ASPHD2: variants seen among roughly 807,000 people sequenced by gnomAD.
The protein encoded by ASPHD2 is aspartate beta-hydroxylase domain-containing protein 2.
ASPHD2 carries 12 observed loss-of-function variants against 34.6 expected under a neutral mutation model. The ratio of observed to expected loss-of-function variants is 0.35; its 90% confidence interval spans 0.22 to 0.56. The LOEUF is 0.56. Among genes scored for constraint, ASPHD2 ranks in the 20% least tolerant of loss-of-function variants. The pLI is 0.87. For synonymous variants in ASPHD2, 224 were observed against 212.2 expected, an observed-to-expected ratio of 1.06 and a Z score of -0.48; for missense variants, 375 against 505.0, an observed-to-expected ratio of 0.74 and a Z score of 2.47.
Position 26,434,083 on chromosome 22 carries a change from C to T in ASPHD2, c.468C>T (p.Leu156=), listed in dbSNP as rs1268648598. ...GCATCCGCGAGCAGGGCCGGTACCT[C>T]AACAGCCGGCCCTCCATCCAGAAGC... ...HKGIREQGRY[L]NSRPSIQKPE... The change falls in exon 2 of 4, where the codon CTC becomes CTT. Residue 156 remains leucine (L), a synonymous_variant. Transcript: ENST00000215906. The T allele has an allele frequency of 4.3e-6, 7 of 1,613,166 alleles. No individual in the cohort carries two copies. Among genetic ancestry groups the T allele is most frequent in the African/African-American group, 1.3e-5 (1 of 75,020 alleles).
rs1196955543 is a variant in ASPHD2 at position 26,433,809 on chromosome 22, C to T, written c.194C>T (p.Ala65Val). ...DCDTTAVITV[A>V]CLLVLFVWYC... ...GACACCACCGCTGTCATCACTGTGG[C>T]CTGCCTCCTGGTCCTCTTCGTGTGG... Residue 65 changes from alanine (A) to valine (V), a missense_variant, in exon 2 of 4, where the codon GCC becomes GTC. By Grantham distance (64) the Ala-to-Val change is moderately conservative. Transcript: ENST00000215906. This position sits in a 1 kb window ranked among gnomAD's most constrained non-coding sequence, Gnocchi z 5.1. The T allele has an allele frequency of 1.9e-6, 3 of 1,613,990 alleles. No individual in the cohort carries two copies.
At chr22:26,437,304 C>G (rs2084798525) in intron 2 of ASPHD2, among the ~76,000 whole-genome samples, 1 of 152,166 alleles carries the variant, frequency 6.6e-6, no homozygotes, top group Non-Finnish European at 1.5e-5. Flanking sequence ...CTTCTGCCTT[C>G]TGCCTGAGCT....
chr22:26,443,204 T>TGA lies in ASPHD2; in HGVS notation c.*2_*3dup. 6.2e-7 allele frequency: 1 copy of TGA among 1,613,310 alleles called. No homozygotes were observed. Among genetic ancestry groups the TGA allele is most frequent in the African/African-American group, 1.3e-5 (1 of 75,014 alleles). ...TGATTTCATCTTTGCTCCGGGACGATGAGAGTATTTCCCATGCTGGAGTCG... is the reference window on the plus strand; with the variant it reads ...TGATTTCATCTTTGCTCCGGGACGATGAGAGAGTATTTCCCATGCTGGAGTCG... ...ALDFIFAPGR[*] The change falls in exon 4 of 4, where the codon TGA becomes TGAGA. Residue 370 remains the stop codon, a frameshift_variant and stop_retained_variant. Transcript: ENST00000215906. LOFTEE classifies it high-confidence loss of function.
At chr22:26,430,094 T>G (rs1568980827) in intron 1 of ASPHD2, among the ~76,000 whole-genome samples, 1 of 152,034 alleles carries the variant, frequency 6.6e-6, no homozygotes, top group African/African-American at 2.4e-5. Flanking sequence ...AGAGGGAAGG[T>G]CCCCAGGTCT....
rs1568987662 is a variant in ASPHD2, at chr22:26,444,806, T to C, written c.*1600T>C. ...CACAGATATTTGTCAGTGATGAGAATGCAGGAAAAGGCAGACATTTCAAAC... is the reference window on the plus strand; with the variant it reads ...CACAGATATTTGTCAGTGATGAGAACGCAGGAAAAGGCAGACATTTCAAAC... On this transcript the variant is annotated 3_prime_UTR_variant, in exon 4 of 4. Transcript: ENST00000215906. The C allele has an allele frequency of 6.6e-6, 1 of 152,242 alleles. No homozygotes were observed. The highest frequency in any genetic ancestry group is 1.5e-5 in the Non-Finnish European group (1 of 68,050). 9.4% of individuals were successfully genotyped at this position (152,242 alleles called of 1,614,324 possible). A position where few individuals can be genotyped will look rare whatever the true frequency, so the allele number is the denominator to read the frequency against.
At position 26,434,300 on chromosome 22, in the gene ASPHD2, T is replaced by G. The variant is rs148508323; in HGVS notation, c.685T>G (p.Phe229Val). The G allele has an allele frequency of 8.1e-6, 13 of 1,614,000 alleles. No individual in the cohort carries two copies. The African/African-American group carries it at 1.6e-4, about 20-fold the overall frequency. Residue 229 changes from phenylalanine (F) to valine (V), a missense_variant, in exon 2 of 4, where the codon TTC (phenylalanine) becomes GTC (valine). Physicochemically the swap from Phe to Val is conservative, Grantham distance 50. Transcript: ENST00000215906. ...GAACAGCACCCCCAGCGGGGAGTGG[T>G]TCACCTTTTACTTGGTCAATCAGGG... ...KMNSTPSGEW[F>V]TFYLVNQGVC...
intron 2 of ASPHD2, among the ~76,000 whole-genome samples, chr22:26,439,686 A>G (rs2146132871): frequency 6.6e-6 from 1 of 152,312 alleles, no homozygotes; most frequent in East Asian, 1.9e-4. Flanking sequence ...TAACAAGGAT[A>G]GAAGTCCCAT....
At chr22:26,435,835 G>T (rs887294751) in intron 2 of ASPHD2, among the ~76,000 whole-genome samples, 5 of 152,238 alleles carry the variant, frequency 3.3e-5, no homozygotes, top group Non-Finnish European at 4.4e-5. Flanking sequence ...TGGAGGCTTT[G>T]GGGGAGGTGG....
rs1386825484 is a variant in ASPHD2 at position 26,443,220 on chromosome 22, G to T, written c.*14G>T. 1 of 1,611,176 alleles carries T rather than the reference G, an allele frequency of 6.2e-7. No individual in the cohort carries two copies. The highest frequency in any genetic ancestry group is 1.1e-5 in the South Asian group (1 of 91,010). On this transcript the variant is annotated 3_prime_UTR_variant, in exon 4 of 4. Transcript: ENST00000215906. ...CCGGGACGATGAGAGTATTTCCCAT[G>T]CTGGAGTCGGCGAGAAGGGCCGAGG... is the stretch of plus-strand genomic sequence containing the variant.
rs1281676045 is a variant in ASPHD2 at position 26,434,534 on chromosome 22, C to T, written c.886+33C>T. The T allele has an allele frequency of 3.3e-6, 5 of 1,532,674 alleles. No homozygotes were observed. In the South Asian group the frequency reaches 5.1e-5, roughly 16 times the overall value. 94.9% of individuals were successfully genotyped at this position (1,532,674 alleles called of 1,614,324 possible). ...GCAAGGACAGGGGTCTCCCGGCATG[C>T]ACATTTGCAAGCTCAGCCCCTCTCC... On this transcript the variant is annotated intron_variant, in intron 2 of 3. Coordinates refer to ENST00000215906, the MANE Select transcript of ASPHD2 (RefSeq NM_020437.5).
In ASPHD2 at chr22:26,443,352, G is replaced by A. The variant is rs745749553; in HGVS notation, c.*146G>A. ...CTTATTTGGGATTTTATATCATGTCGGGTCCCTCTTTCCCTTGGTTATTGT... is the reference window on the plus strand; with the variant it reads ...CTTATTTGGGATTTTATATCATGTCAGGTCCCTCTTTCCCTTGGTTATTGT... On this transcript the variant is annotated 3_prime_UTR_variant, in exon 4 of 4. Coordinates refer to ENST00000215906, the MANE Select transcript of ASPHD2 (RefSeq NM_020437.5). The A allele has an allele frequency of 3.4e-4, 222 of 648,640 alleles. 3 individuals are homozygous for A. The highest frequency in any genetic ancestry group is 6.2e-4 in the Middle Eastern group (2 of 3,202). The allele number at this position is 648,640 out of a possible 1,614,324, so 40.2% of individuals were successfully genotyped here.
chr22:26,439,453 C>T (rs570193652), intron 2 of ASPHD2, among the ~76,000 whole-genome samples: 3 of 152,204 alleles, frequency 2.0e-5, no homozygotes, highest in African/African-American at 7.2e-5. Context: ...CACTTTAATT[C>T]CTCTGTTAAT....
chr22:26,441,978 T>C (rs1281685843), intron 2 of ASPHD2, among the ~76,000 whole-genome samples: 1 of 150,510 alleles, frequency 6.6e-6, no homozygotes, highest in Non-Finnish European at 1.5e-5. Context: ...TGTAAGCTAC[T>C]CCAGTGCCTC....
At chr22:26,439,929 C>T (rs980337012) in intron 2 of ASPHD2, among the ~76,000 whole-genome samples, 19 of 152,356 alleles carry the variant, frequency 1.2e-4, no homozygotes, top group African/African-American at 4.3e-4. Flanking sequence ...CATTAAAATA[C>T]TCTGGCTGCT....
At chr22:26,442,282 G>A (rs1393065707) in intron 2 of ASPHD2, among the ~76,000 whole-genome samples, 177 bp from the exon 3 acceptor site, 1 of 152,108 alleles carries the variant, frequency 6.6e-6, no homozygotes, top group Non-Finnish European at 1.5e-5. Context: ...TTCAACATGG[G>A]AATTTGCAGG....
At chr22:26,438,574 T>TATATACATACATATATACACATAC (rs1568983997) in intron 2 of ASPHD2, among the ~76,000 whole-genome samples, 2 of 72,956 alleles carry the variant, frequency 2.7e-5, no homozygotes, top group African/African-American at 4.2e-5. Context: ...TACACATACA[T>TATATACATACATATATACACATAC]ATATATACAT....
chr22:26,435,469 A>G (rs1464385990), intron 2 of ASPHD2, among the ~76,000 whole-genome samples: 1 of 152,298 alleles, frequency 6.6e-6, no homozygotes, highest in Middle Eastern at 3.4e-3. Flanking sequence ...CCAGCTTTAC[A>G]AAGTTCACAA....
At chr22:26,431,569 C>T (rs1421067484) in intron 1 of ASPHD2, among the ~76,000 whole-genome samples, 3 of 152,094 alleles carry the variant, frequency 2.0e-5, no homozygotes, top group South Asian at 2.1e-4. Flanking sequence ...ATTATTCAAC[C>T]GAAACTGGGA....
intron 2 of ASPHD2, among the ~76,000 whole-genome samples, chr22:26,439,552 A>G (rs908442022): frequency 6.6e-6 from 1 of 152,256 alleles, no homozygotes; most frequent in Non-Finnish European, 1.5e-5. Context: ...ACTAAATGGT[A>G]ACTTTTTAGC....
Sources: allele counts gnomAD v4.1 joint callset (sites outside exome capture counted in the v4.1 genomes callset), GRCh38; gene constraint gnomAD v4.1.1; non-coding constraint Gnocchi (gnomAD v3.1); transcripts MANE v1.5; gene names NCBI Gene and HGNC (gene_info 2026-07-23, HGNC 2026-07-21).